Variants in ASIC2 observed in about 807,000 individuals in gnomAD.
The protein encoded by ASIC2 is acid-sensing ion channel 2.
In ASIC2, 25 loss-of-function variants were observed where a neutral mutation model predicts 57.3. That is an observed-to-expected ratio of 0.44 (90% CI 0.32 to 0.61). The LOEUF is 0.61. Among genes scored for constraint, ASIC2 ranks in the 20% least tolerant of loss-of-function variants. The pLI, the probability that ASIC2 is intolerant of heterozygous loss-of-function variation, is 0.06. For missense variants in ASIC2, 641 were observed against 738.1 expected, an observed-to-expected ratio of 0.87 and a Z score of 1.52; for synonymous variants, 319 against 307.5, an observed-to-expected ratio of 1.04 and a Z score of -0.39.
intron 1 of ASIC2, among the ~76,000 whole-genome samples, chr17:33,183,785 G>C (rs776103272): frequency 6.6e-6 from 1 of 152,130 alleles, no homozygotes; most frequent in Non-Finnish European, 1.5e-5. Context: ...GAGATTTCAA[G>C]ATCTGCATTC....
chr17:34,108,543 G>A (rs1911149303), intron 1 of ASIC2, among the ~76,000 whole-genome samples: 2 of 152,032 alleles, frequency 1.3e-5, no homozygotes, highest in Admixed American at 1.3e-4. Flanking sequence ...ACTTGTTTAT[G>A]ATATTTACGT....
chr17:34,035,236 C>A (rs1345081726), intron 1 of ASIC2, among the ~76,000 whole-genome samples: 1 of 144,854 alleles, frequency 6.9e-6, no homozygotes, highest in Non-Finnish European at 1.5e-5. Flanking sequence ...CTTTGACAAA[C>A]CTGACAGAAA....
intron 1 of ASIC2, among the ~76,000 whole-genome samples, chr17:33,865,299 G>T (rs374085636): frequency 6.6e-6 from 1 of 152,134 alleles, no homozygotes; most frequent in Non-Finnish European, 1.5e-5. Flanking sequence ...TCCATTGGGC[G>T]GATCAACCCA....
chr17:34,053,928 A>G (rs577075686), intron 1 of ASIC2, among the ~76,000 whole-genome samples: 7 of 152,364 alleles, frequency 4.6e-5, no homozygotes, highest in African/African-American at 1.4e-4. Flanking sequence ...GACAAGACTC[A>G]GGTACCTATA....
At chr17:33,993,322 G>A (rs1170495574) in intron 1 of ASIC2, among the ~76,000 whole-genome samples, 13 of 152,164 alleles carry the variant, frequency 8.5e-5, no homozygotes, top group Non-Finnish European at 1.6e-4. Flanking sequence ...GATTTAGTTA[G>A]GTAGCCATTT....
chr17:33,743,400 C>T (rs1080685), intron 1 of ASIC2, among the ~76,000 whole-genome samples: 52,485 of 152,146 alleles, frequency 0.34, 11,003 homozygotes, highest in Non-Finnish European at 0.48. Context: ...CTTCCTCTCC[C>T]CTCAGTTCCC....
chr17:33,578,552 G>C (rs965925981), intron 1 of ASIC2, among the ~76,000 whole-genome samples: 23 of 152,120 alleles, frequency 1.5e-4, no homozygotes, highest in African/African-American at 5.3e-4. Flanking sequence ...GGGACACCAA[G>C]AAAAAAGTTC....
chr17:33,158,763 T>G (rs2142036909), intron 1 of ASIC2, among the ~76,000 whole-genome samples: 1 of 152,364 alleles, frequency 6.6e-6, no homozygotes, highest in South Asian at 2.1e-4. Flanking sequence ...TCCTTATACC[T>G]ATTTATGGCA....
chr17:33,799,894 C>T (rs1168573788), intron 1 of ASIC2, among the ~76,000 whole-genome samples: 3 of 152,090 alleles, frequency 2.0e-5, no homozygotes, highest in Admixed American at 6.5e-5. Context: ...TATCTGGGTC[C>T]CCACAAATAC....
chr17:33,061,726 C>T (rs1199959998), intron 3 of ASIC2, among the ~76,000 whole-genome samples: 5 of 152,130 alleles, frequency 3.3e-5, no homozygotes, highest in Admixed American at 6.5e-5. Flanking sequence ...GGAATAGTTT[C>T]GGAAGGAATG....
At chr17:33,515,624 C>T (rs953651761) in intron 1 of ASIC2, among the ~76,000 whole-genome samples, 5 of 152,214 alleles carry the variant, frequency 3.3e-5, no homozygotes, top group Admixed American at 1.3e-4. Context: ...CATCCTCTTC[C>T]AGGCCTTGTC....
Position 33,350,980 on chromosome 17 carries a change from G to A in ASIC2, c.556-238913C>T, listed in dbSNP as rs111627850. Among the ~76,000 whole-genome samples the A allele has an allele frequency of 3.1e-3, 467 of 152,168 alleles. 4 individuals are homozygous for A. The highest frequency in any genetic ancestry group is 0.011 in the African/African-American group (449 of 41,532). On this transcript the variant is annotated intron_variant, in intron 1 of 9. Transcript: ENST00000359872. ...ACAGCATTTCCTCATTTCCTTTCGTGTTCCATCTCTGTCCTGTCTTACCTC... is the reference window on the plus strand; with the variant it reads ...ACAGCATTTCCTCATTTCCTTTCGTATTCCATCTCTGTCCTGTCTTACCTC...
chr17:33,378,845 C>T (rs1265701132), intron 1 of ASIC2, among the ~76,000 whole-genome samples: 1 of 152,194 alleles, frequency 6.6e-6, no homozygotes, highest in East Asian at 1.9e-4. Flanking sequence ...ACAGGAACAG[C>T]AATGGAGCAA....
At chr17:33,519,780 T>A (rs1471730563) in intron 1 of ASIC2, among the ~76,000 whole-genome samples, 1 of 152,184 alleles carries the variant, frequency 6.6e-6, no homozygotes, top group Non-Finnish European at 1.5e-5. Context: ...CTAGACCGTC[T>A]GTCAAACTTG....
intron 1 of ASIC2, among the ~76,000 whole-genome samples, chr17:33,904,829 A>G (rs1013086108): frequency 6.6e-6 from 1 of 152,188 alleles, no homozygotes; most frequent in Non-Finnish European, 1.5e-5. Context: ...GTACCATTCT[A>G]TCTTCTCCGG....
At chr17:33,042,437 T>C (rs1282403950) in intron 3 of ASIC2, among the ~76,000 whole-genome samples, 1 of 152,252 alleles carries the variant, frequency 6.6e-6, no homozygotes, top group Non-Finnish European at 1.5e-5. Flanking sequence ...CCTGTGAGAC[T>C]GGGTACTACT....
chr17:33,659,988 G>A (rs370913528), intron 1 of ASIC2, among the ~76,000 whole-genome samples: 14 of 152,012 alleles, frequency 9.2e-5, no homozygotes, highest in Non-Finnish European at 1.6e-4. Context: ...GGAGGCTGAG[G>A]CAGGAGGATT....
chr17:33,428,611 C>T (rs1356336082), intron 1 of ASIC2, among the ~76,000 whole-genome samples: 1 of 152,114 alleles, frequency 6.6e-6, no homozygotes, highest in African/African-American at 2.4e-5. Flanking sequence ...CAAGTGGCCT[C>T]ATTGGAGGGA....
rs373921879 is a variant in ASIC2 at position 34,131,999 on chromosome 17, C to T, written c.555+23979G>A. On this transcript the variant is annotated intron_variant, in intron 1 of 9. Transcript: ENST00000359872. Reference sequence around the variant, plus strand: ...CTTTTGTGACAATTGTAGGTGCTGTCCTGGAATTTGAGACACCATCTCTTA... The same window carrying T: ...CTTTTGTGACAATTGTAGGTGCTGTTCTGGAATTTGAGACACCATCTCTTA... Among the ~76,000 whole-genome samples, 64 of 152,220 alleles carry T rather than the reference C, an allele frequency of 4.2e-4. 1 individual carries two copies. The highest frequency in any genetic ancestry group is 1.4e-3 in the African/African-American group (60 of 41,518).
Sources: allele counts gnomAD v4.1 joint callset (sites outside exome capture counted in the v4.1 genomes callset), GRCh38; gene constraint gnomAD v4.1.1; transcripts MANE v1.5; gene names NCBI Gene and HGNC (gene_info 2026-07-23, HGNC 2026-07-21).